The following S1PR3 variants were observed in gnomAD, a reference collection of about 807,000 sequenced individuals.
S1PR3 encodes the protein sphingosine 1-phosphate receptor 3.
In S1PR3, 12 loss-of-function variants were observed where a neutral mutation model predicts 13.3. The observed-to-expected ratio is 0.90, with a 90% CI of 0.58 to 1.46. The LOEUF is 1.46. Ranked by LOEUF, S1PR3 falls within the 40% of genes most tolerant of loss-of-function variation. The pLI is 0.00. For missense variants in S1PR3, 450 were observed against 501.9 expected, an observed-to-expected ratio of 0.90 and a Z score of 0.99; for synonymous variants, 232 against 214.0, an observed-to-expected ratio of 1.08 and a Z score of -0.73.
At position 88,991,907 on chromosome 9, in the gene S1PR3, C is replaced by T. The variant is rs751027765; in HGVS notation, c.-148+212C>T. On this transcript the variant is annotated intron_variant, in intron 1 of 1. Coordinates refer to ENST00000358157, the MANE Select transcript of S1PR3 (RefSeq NM_005226.4). This position sits in a 1 kb window ranked among gnomAD's most constrained non-coding sequence, Gnocchi z 4.0. ...TCCACCGCACCCGGAGCGTTTACAA[C>T]GGGCTGGAGCTGAATACCTGGATGA... 1 of 1,614,178 alleles carries T rather than the reference C, an allele frequency of 6.2e-7. No individual in the cohort carries two copies. Among genetic ancestry groups the T allele is most frequent in the Non-Finnish European group, 8.5e-7 (1 of 1,180,030 alleles).
intron 1 of S1PR3, chr9:88,998,279 C>A (rs1253652255): frequency 1.3e-5 from 2 of 152,258 alleles, no homozygotes; most frequent in East Asian, 1.9e-4. Context: ...AGTTCAAGAC[C>A]AGCCTGGCCA....
chr9:89,000,282 T>C (rs919090624), intron 1 of S1PR3: 13 of 152,310 alleles, frequency 8.5e-5, no homozygotes, highest in Admixed American at 6.5e-4. Context: ...CTCTATTTGA[T>C]ATTCAGGGCT....
chr9:89,000,163 G>C (rs1200309848), intron 1 of S1PR3: 1 of 152,208 alleles, frequency 6.6e-6, no homozygotes, highest in South Asian at 2.1e-4. Context: ...GAGGTCTCGT[G>C]GGGGAAGAGT....
rs776379928 is a variant in S1PR3 at position 89,001,415 on chromosome 9, A to T, written c.215A>T (p.Asn72Ile). ...IAIWKNNKFHNRMYFFIGNLA... is the reference protein window; with the variant it reads ...IAIWKNNKFHIRMYFFIGNLA... ...ATCTGGAAAAACAATAAATTTCACA[A>T]CCGCATGTACTTTTTCATTGGCAAC... Residue 72 changes from asparagine to isoleucine, a missense_variant, in exon 2 of 2, where the codon AAC becomes ATC. Physicochemically the swap from Asn to Ile is moderately radical, Grantham distance 149 (BLOSUM62 -3). Coordinates refer to ENST00000358157, the MANE Select transcript of S1PR3 (RefSeq NM_005226.4). The T allele has an allele frequency of 7.4e-6, 12 of 1,613,950 alleles. No individual in the cohort carries two copies. The highest frequency in any genetic ancestry group is 1.7e-5 in the Admixed American group (1 of 60,004).
In S1PR3 at chr9:88,991,483, C is replaced by G. The variant is rs201976671; in HGVS notation, c.-360C>G. 12,990 of 1,547,658 alleles carry G rather than the reference C, an allele frequency of 8.4e-3. 75 individuals carry two copies. The highest frequency in any genetic ancestry group is 0.019 in the South Asian group (1,567 of 83,964). ...TCGCTCGGGCAGAGGCCGAGGAAGC[C>G]GGTTCCGGGGACGGGCAACAGGGAC... On this transcript the variant is annotated 5_prime_UTR_variant, in exon 1 of 2. Coordinates refer to ENST00000358157, the MANE Select transcript of S1PR3 (RefSeq NM_005226.4). The surrounding 1 kb of genome is among the most constrained non-coding windows in gnomAD (Gnocchi z 4.0).
At chr9:88,994,028 A>T (rs921493528) in intron 1 of S1PR3, 2 of 167,074 alleles carry the variant, frequency 1.2e-5, no homozygotes, top group African/African-American at 4.8e-5. Flanking sequence ...CCCCAGAATG[A>T]CATGCTAACA....
chr9:88,993,249 G>C, intron 1 of S1PR3: 1 of 152,550 alleles, frequency 6.6e-6, no homozygotes, highest in East Asian at 1.9e-4. Flanking sequence ...ACATTAACTT[G>C]ATTTCATGGT....
At chr9:89,000,935 C>T (rs1351170340) in intron 1 of S1PR3, 119 bp from the exon 2 acceptor site, 3 of 506,384 alleles carry the variant, frequency 5.9e-6, no homozygotes. Context: ...TGCAGCCTGA[C>T]GTGGCTAGCC....
At chr9:88,999,309 A>T (rs1825842410) in intron 1 of S1PR3, 1 of 152,118 alleles carries the variant, frequency 6.6e-6, no homozygotes, top group South Asian at 2.1e-4. Context: ...CTGGAAAAAA[A>T]ATCTTTGCAA....
Position 88,991,621 on chromosome 9 carries a change from A to C in S1PR3, c.-222A>C, listed in dbSNP as rs955929215. ...CCCAGCCCATCTGGCATTCGAGCGC[A>C]GGACCGGGCGCCCCGGCACCGCCGC... On this transcript the variant is annotated 5_prime_UTR_variant, in exon 1 of 2. Coordinates refer to ENST00000358157, the MANE Select transcript of S1PR3 (RefSeq NM_005226.4). The surrounding 1 kb of genome is among the most constrained non-coding windows in gnomAD (Gnocchi z 4.0). The C allele has an allele frequency of 1.3e-6, 2 of 1,536,922 alleles. No individual in the cohort carries two copies. Among genetic ancestry groups the C allele is most frequent in the African/African-American group, 1.4e-5 (1 of 70,986 alleles).
Position 88,991,861 on chromosome 9 carries a change from AG to A in S1PR3, c.-148+168del. 1 of 1,614,120 alleles carries A rather than the reference AG, an allele frequency of 6.2e-7. No homozygotes were observed. ...AGCACCCCTCCCCCAGAGCCGCTGC[AG>A]GAACAGGGAGGAGGCCTTTTCCACC... On this transcript the variant is annotated intron_variant, in intron 1 of 1. Coordinates refer to ENST00000358157, the MANE Select transcript of S1PR3 (RefSeq NM_005226.4). This position sits in a 1 kb window ranked among gnomAD's most constrained non-coding sequence, Gnocchi z 4.0.
In S1PR3 at chr9:89,001,482, C is replaced by G. The variant is rs1232510566; in HGVS notation, c.282C>G (p.Val94=). The G allele has an allele frequency of 6.2e-7, 1 of 1,614,116 alleles. No individual in the cohort carries two copies. The highest frequency in any genetic ancestry group is 1.3e-5 in the African/African-American group (1 of 74,944). ...TGCTGGCCGGCATCGCTTACAAGGT[C>G]AACATTCTGATGTCTGGCAAGAAGA... ...CDLLAGIAYK[V]NILMSGKKTF... Residue 94 remains valine (V), a synonymous_variant, in exon 2 of 2, where the codon GTC becomes GTG. Transcript: ENST00000358157.
Position 89,002,175 on chromosome 9 carries a change from C to G in S1PR3, c.975C>G (p.Ala325=). The change falls in exon 2 of 2, where the codon GCC becomes GCG. Residue 325 remains alanine, a synonymous_variant. Transcript: ENST00000358157. Reference sequence around the variant, plus strand: ...TGGTCAGGGGACGGGGGGCCCGCGCCTCACCCATCCAGCCTGCGCTCGACC... The same window carrying G: ...TGGTCAGGGGACGGGGGGCCCGCGCGTCACCCATCCAGCCTGCGCTCGACC... ...NCLVRGRGAR[A]SPIQPALDPS... 1 of 1,613,906 alleles carries G rather than the reference C, an allele frequency of 6.2e-7. No homozygotes were observed. The highest frequency in any genetic ancestry group is 8.5e-7 in the Non-Finnish European group (1 of 1,180,010).
intron 1 of S1PR3, chr9:88,992,123 A>G: frequency 3.2e-6 from 4 of 1,242,604 alleles, no homozygotes; most frequent in South Asian, 2.7e-5. Flanking sequence ...TTCTCAAACA[A>G]GGCAATTAGG....
rs1391179309 is a variant in S1PR3, at chr9:89,002,520, G to A, written c.*183G>A. ...ACCACCCCGCTTCAGTGTAAACAACGTGCCTTGTCCACTTTGGGCTCCAGA... is the reference window on the plus strand; with the variant it reads ...ACCACCCCGCTTCAGTGTAAACAACATGCCTTGTCCACTTTGGGCTCCAGA... On this transcript the variant is annotated 3_prime_UTR_variant, in exon 2 of 2. Coordinates refer to ENST00000358157, the MANE Select transcript of S1PR3 (RefSeq NM_005226.4). 9.9e-6 allele frequency: 7 copies of A among 710,130 alleles called. No homozygotes were observed. The highest frequency in any genetic ancestry group is 8.2e-5 in the East Asian group (3 of 36,612). The allele number at this position is 710,130 out of a possible 1,614,324, so 44.0% of individuals were successfully genotyped here.
At position 89,002,635 on chromosome 9, in the gene S1PR3, C is replaced by T. The variant is rs572034232; in HGVS notation, c.*298C>T. 76 of 463,840 alleles carry T rather than the reference C, an allele frequency of 1.6e-4. No individual in the cohort carries two copies. The Middle Eastern group carries it at 2.4e-3, about 15-fold the overall frequency. 28.7% of individuals were successfully genotyped at this position (463,840 alleles called of 1,614,324 possible). ...CCTGTTGTTCACAGAGAGGGAAGGTCGTGGGCCACACAATGCTGTGTGACC... is the reference window on the plus strand; with the variant it reads ...CCTGTTGTTCACAGAGAGGGAAGGTTGTGGGCCACACAATGCTGTGTGACC... On this transcript the variant is annotated 3_prime_UTR_variant, in exon 2 of 2. Transcript: ENST00000358157.
Position 89,002,695 on chromosome 9 carries a change from T to A in S1PR3, c.*358T>A, listed in dbSNP as rs1432649333. The A allele has an allele frequency of 1.3e-5, 4 of 310,534 alleles. No homozygotes were observed. The highest frequency in any genetic ancestry group is 2.6e-5 in the Non-Finnish European group (4 of 156,522). The allele number at this position is 310,534 out of a possible 1,614,324, so 19.2% of individuals were successfully genotyped here. On this transcript the variant is annotated 3_prime_UTR_variant, in exon 2 of 2. Coordinates refer to ENST00000358157, the MANE Select transcript of S1PR3 (RefSeq NM_005226.4). The stretch of plus-strand genomic sequence containing the variant: ...TGCCTCTGAATGGTGTTTTGATGAT[T>A]TTACACTACATTTCCTGTGCGTAGA...
chr9:88,991,149 G>A (rs768350723), upstream of S1PR3: 32 of 1,610,080 alleles, frequency 2.0e-5, no homozygotes, highest in Non-Finnish European at 2.5e-5. The surrounding 1 kb of genome is among the most constrained non-coding windows in gnomAD (Gnocchi z 4.0). Context: ...CTGGGCGCCC[G>A]GTTTCTGCAC....
chr9:88,993,594 T>C (rs79303380), intron 1 of S1PR3: 1 of 152,246 alleles, frequency 6.6e-6, no homozygotes, highest in Non-Finnish European at 1.5e-5. Context: ...CTCTGCCATA[T>C]GTTTTCTGCC....
Sources: gnomAD v4.1 joint callset for allele counts on GRCh38, gnomAD v4.1.1 for gene constraint, Gnocchi (gnomAD v3.1) non-coding constraint, MANE v1.5 for transcripts, NCBI Gene and HGNC (gene_info 2026-07-23, HGNC 2026-07-21) for gene names.